The following TAF8 variants were observed in gnomAD, a reference collection of about 807,000 sequenced individuals.
TAF8 encodes TATA-box binding protein associated factor 8, also known as transcription initiation factor TFIID subunit 8.
TAF8 carries 47 observed loss-of-function variants against 36.5 expected under a neutral mutation model. That is an observed-to-expected ratio of 1.29 (90% CI 1.02 to 1.64). The LOEUF is 1.64. Ranked by LOEUF, TAF8 falls within the 40% of genes most tolerant of loss-of-function variation. The probability of loss-of-function intolerance (pLI) is 0.00; values close to 1 mark genes in which losing one functional copy is unlikely to be tolerated. For synonymous variants in TAF8, 175 were observed against 159.5 expected, an observed-to-expected ratio of 1.10 and a Z score of -0.73; for missense variants, 420 against 407.6, an observed-to-expected ratio of 1.03 and a Z score of -0.26.
chr6:42,061,914 C>T (rs1765201504), intron 5 of TAF8, among the ~76,000 whole-genome samples: 1 of 152,254 alleles, frequency 6.6e-6, no homozygotes, highest in African/African-American at 2.4e-5. Flanking sequence ...ATAAGTCATT[C>T]GTTTAGCCAA....
At position 42,077,093 on chromosome 6, in the gene TAF8, C is replaced by T; in HGVS notation, c.781-7C>T. ...ATGTTGTGCTTTATTTTGGCTTTTG[C>T]TCAAAGGAGGATTCTGGAGCCGAGA... On this transcript the variant is annotated splice_polypyrimidine_tract_variant and splice_region_variant and intron_variant, in intron 7 of 8. Coordinates refer to ENST00000372977, the MANE Select transcript of TAF8 (RefSeq NM_138572.3). The T allele has an allele frequency of 6.2e-7, 1 of 1,608,666 alleles. No homozygotes were observed. Among genetic ancestry groups the T allele is most frequent in the Non-Finnish European group, 8.5e-7 (1 of 1,176,688 alleles).
chr6:42,074,344 C>G (rs1240368677), intron 7 of TAF8, among the ~76,000 whole-genome samples: 1 of 152,050 alleles, frequency 6.6e-6, no homozygotes, highest in African/African-American at 2.4e-5. Flanking sequence ...GCCTGGAAGT[C>G]GGGAGAGGTT....
intron 5 of TAF8, among the ~76,000 whole-genome samples, chr6:42,059,939 CAG>C (rs1765133510): frequency 6.6e-6 from 1 of 152,132 alleles, no homozygotes; most frequent in Non-Finnish European, 1.5e-5. Context: ...TTCCTGCTGA[CAG>C]GGCACATTAT....
At chr6:42,064,212 A>G (rs1368102869) in intron 5 of TAF8, among the ~76,000 whole-genome samples, 1 of 152,052 alleles carries the variant, frequency 6.6e-6, no homozygotes, top group East Asian at 1.9e-4. Context: ...AACAAGTACA[A>G]TATGTTCAAA....
At chr6:42,050,927 T>C (rs1764753411) in intron 1 of TAF8, 1 of 1,145,850 alleles carries the variant, frequency 8.7e-7, no homozygotes, top group African/African-American at 1.6e-5. Context: ...TTTGTGCTTT[T>C]ATCTTTTGCC....
At chr6:42,085,904 G>A (rs904486573), downstream of TAF8, among the ~76,000 whole-genome samples, 2 of 152,210 alleles carry the variant, frequency 1.3e-5, no homozygotes, top group African/African-American at 4.8e-5. Context: ...AGAATTGCTC[G>A]AACCTGGGAG....
intron 7 of TAF8, among the ~76,000 whole-genome samples, chr6:42,075,932 G>A (rs1765730171): frequency 6.6e-6 from 1 of 152,164 alleles, no homozygotes; most frequent in South Asian, 2.1e-4. Flanking sequence ...TAAAGCGGCC[G>A]GGCGCGGTGG....
downstream of TAF8, among the ~76,000 whole-genome samples, chr6:42,084,947 T>G (rs1431406717): frequency 6.6e-6 from 1 of 152,098 alleles, no homozygotes; most frequent in Non-Finnish European, 1.5e-5. Context: ...CTTGGATGAG[T>G]TGGGGCGTAT....
chr6:42,071,837 A>T (rs1169714004), intron 7 of TAF8, among the ~76,000 whole-genome samples: 2 of 152,130 alleles, frequency 1.3e-5, no homozygotes, highest in Non-Finnish European at 2.9e-5. Context: ...TGTAAGTACA[A>T]TATAGTTAAA....
intron 7 of TAF8, among the ~76,000 whole-genome samples, chr6:42,070,141 T>C (rs1183671964): frequency 6.6e-6 from 1 of 152,120 alleles, no homozygotes; most frequent in Non-Finnish European, 1.5e-5. Flanking sequence ...AGACTTGTGC[T>C]GTCCCTTATA....
chr6:42,051,408 CGGA>C lies in TAF8; in HGVS notation c.102_104del (p.Arg35del). 1 of 1,614,064 alleles carries C rather than the reference CGGA, an allele frequency of 6.2e-7. No homozygotes were observed. The highest frequency in any genetic ancestry group is 8.5e-7 in the Non-Finnish European group (1 of 1,180,002). ...CCCTGCCGATAACTATCATCTGGCC[CGGA>C]GGAGAACCCTGCAGGTGGTTGTGAG... On this transcript the variant is annotated inframe_deletion, in exon 2 of 9. Transcript: ENST00000372977.
At chr6:42,051,797 C>A in intron 2 of TAF8, 1 of 202,542 alleles carries the variant, frequency 4.9e-6, no homozygotes, top group East Asian at 1.2e-4. Flanking sequence ...CCCGTCTCTA[C>A]TAAAAAACAC....
At chr6:42,060,563 G>C (rs1765156023) in intron 5 of TAF8, among the ~76,000 whole-genome samples, 2 of 152,158 alleles carry the variant, frequency 1.3e-5, no homozygotes, top group Non-Finnish European at 2.9e-5. Context: ...GAGGTCCCAA[G>C]ATAGCTTGGG....
intron 7 of TAF8, among the ~76,000 whole-genome samples, chr6:42,074,925 G>C (rs1273974625): frequency 6.6e-6 from 1 of 151,678 alleles, no homozygotes. Flanking sequence ...TTTCTATGAG[G>C]CCTGCTTGGG....
intron 7 of TAF8, among the ~76,000 whole-genome samples, chr6:42,071,002 A>C (rs1033875820): frequency 2.0e-5 from 3 of 152,118 alleles, no homozygotes; most frequent in African/African-American, 7.2e-5. Flanking sequence ...GGTGTGTCAT[A>C]CTCAGCGAGT....
chr6:42,084,633 T>C (rs933145894), downstream of TAF8, among the ~76,000 whole-genome samples: 2 of 151,968 alleles, frequency 1.3e-5, no homozygotes, highest in African/African-American at 2.4e-5. Context: ...TGGCTGATTT[T>C]TGTATTTTTA....
intron 2 of TAF8, 65 bp from the exon 3 acceptor site, chr6:42,055,466 G>A: frequency 2.6e-6 from 3 of 1,139,350 alleles, no homozygotes; most frequent in Non-Finnish European, 4.0e-6. Context: ...TGGCTCATCT[G>A]GTAATTCTAT....
At position 42,057,651 on chromosome 6, in the gene TAF8, G is replaced by C. The variant is rs1765051899; in HGVS notation, c.489+138G>C. ...AACTCAGAATGTGGCCGGGCACATT[G>C]GCTCACACCTGTAATCCCAGCATTT... On this transcript the variant is annotated intron_variant, in intron 5 of 8. Coordinates refer to ENST00000372977, the MANE Select transcript of TAF8 (RefSeq NM_138572.3). 2.5e-6 allele frequency: 3 copies of C among 1,194,374 alleles called. No individual in the cohort carries two copies. The Admixed American group carries it at 7.5e-5, about 30-fold the overall frequency. 74.0% of individuals were successfully genotyped at this position (1,194,374 alleles called of 1,614,324 possible).
intron 5 of TAF8, 38 bp from the exon 6 acceptor site, chr6:42,066,274 T>TC: frequency 1.2e-6 from 2 of 1,608,832 alleles, no homozygotes; most frequent in Non-Finnish European, 1.7e-6. Flanking sequence ...GAATGATACT[T>TC]CGGCATCACC....
Sources: gnomAD v4.1 joint callset for allele counts (sites outside exome capture counted in the v4.1 genomes callset) on GRCh38, gnomAD v4.1.1 for gene constraint, MANE v1.5 for transcripts, NCBI Gene and HGNC (gene_info 2026-07-23, HGNC 2026-07-21) for gene names.